Variants in MEIS2 observed in about 807,000 individuals in gnomAD.
MEIS2 encodes the protein homeobox protein Meis2.
In MEIS2, 9 loss-of-function variants were observed where a neutral mutation model predicts 58.6. The observed-to-expected ratio is 0.15, with a 90% confidence interval of 0.09 to 0.27. The LOEUF (loss-of-function observed/expected upper bound fraction) is 0.27. Among genes scored for constraint, MEIS2 ranks in the 10% least tolerant of loss-of-function variants. MEIS2 has a pLI of 1.00. For synonymous variants in MEIS2, 221 were observed against 228.4 expected, an observed-to-expected ratio of 0.97 and a Z score of 0.29; for missense variants, 427 against 635.0, an observed-to-expected ratio of 0.67 and a Z score of 3.52.
chr15:37,000,911 C>T (rs1043700923), intron 8 of MEIS2, among the ~76,000 whole-genome samples: 3 of 152,138 alleles, frequency 2.0e-5, no homozygotes, highest in Admixed American at 6.5e-5. Context: ...TTCCGGACCC[C>T]CCACTCTGTC....
chr15:37,043,415 AC>A (rs1188464569), intron 7 of MEIS2, among the ~76,000 whole-genome samples: 2 of 152,188 alleles, frequency 1.3e-5, no homozygotes, highest in African/African-American at 4.8e-5. Context: ...TATCTTCCAG[AC>A]AACCCATTTC....
In MEIS2 at chr15:36,938,043, C is replaced by A. The variant is rs368959393; in HGVS notation, c.977+12281G>T. The stretch of plus-strand genomic sequence containing the variant: ...TCTTTCCACAGTTGGAGATTTTAAA[C>A]GATGTTTGAAATTTGGTTCTATATA... On this transcript the variant is annotated intron_variant, in intron 9 of 11. Coordinates refer to ENST00000561208, the MANE Select transcript of MEIS2 (RefSeq NM_170675.5). Among the ~76,000 whole-genome samples, 12 of 151,930 alleles carry A rather than the reference C, an allele frequency of 7.9e-5. No individual in the cohort carries two copies. The East Asian group carries it at 1.7e-3, about 22-fold the overall frequency.
At chr15:37,082,091 T>C (rs533701260) in intron 7 of MEIS2, among the ~76,000 whole-genome samples, 22 of 152,310 alleles carry the variant, frequency 1.4e-4, no homozygotes, top group East Asian at 3.9e-4. Context: ...TAAATTTCAG[T>C]TGGGACCTTG....
At chr15:37,061,067 G>A (rs910414065) in intron 7 of MEIS2, among the ~76,000 whole-genome samples, 1 of 152,170 alleles carries the variant, frequency 6.6e-6, no homozygotes, top group Non-Finnish European at 1.5e-5. Flanking sequence ...GTACAGATTT[G>A]TATCTGATCC....
At chr15:36,893,264 T>A (rs927871373) in intron 11 of MEIS2, among the ~76,000 whole-genome samples, 2 of 152,218 alleles carry the variant, frequency 1.3e-5, no homozygotes, top group Non-Finnish European at 2.9e-5. Flanking sequence ...ATATTTACTG[T>A]TGCACATCCC....
chr15:36,957,305 A>AAG, intron 8 of MEIS2, among the ~76,000 whole-genome samples: 1 of 152,358 alleles, frequency 6.6e-6, no homozygotes, highest in Admixed American at 6.5e-5. Context: ...AAACACATTT[A>AAG]GACTCAATAA....
intron 9 of MEIS2, among the ~76,000 whole-genome samples, chr15:36,913,274 G>C (rs2141273557): frequency 6.6e-6 from 1 of 152,300 alleles, no homozygotes; most frequent in Non-Finnish European, 1.5e-5. Flanking sequence ...TGTGGTTGCA[G>C]ATTATATTTT....
intron 9 of MEIS2, among the ~76,000 whole-genome samples, chr15:36,902,997 A>G (rs950410929): frequency 6.6e-6 from 1 of 152,148 alleles, no homozygotes; most frequent in Non-Finnish European, 1.5e-5. Context: ...TTTTATACAT[A>G]AAAGAATTTT....
intron 7 of MEIS2, among the ~76,000 whole-genome samples, chr15:37,049,939 T>C (rs888347991): frequency 1.3e-5 from 2 of 152,200 alleles, no homozygotes; most frequent in Non-Finnish European, 2.9e-5. Flanking sequence ...ACTAATCTTG[T>C]CTTAGCACCT....
In MEIS2 at chr15:37,021,641, G is replaced by A. The variant is rs373726872; in HGVS notation, c.900+15173C>T. Among the ~76,000 whole-genome samples, 6 of 152,168 alleles carry A rather than the reference G, an allele frequency of 3.9e-5. No individual in the cohort carries two copies. In the East Asian group the frequency reaches 7.7e-4, roughly 20 times the overall value. On this transcript the variant is annotated intron_variant, in intron 8 of 11. Transcript: ENST00000561208. ...TCTGCACCTGGACTTGCAACCCCTT[G>A]GTGGGTTTCCAGTGTTCCCAGTGTG...
chr15:36,974,129 G>T (rs1400874952), intron 8 of MEIS2, among the ~76,000 whole-genome samples: 2 of 152,034 alleles, frequency 1.3e-5, no homozygotes, highest in Non-Finnish European at 2.9e-5. Flanking sequence ...TTCTTGTCTG[G>T]TTATCCTGTA....
intron 8 of MEIS2, among the ~76,000 whole-genome samples, chr15:36,987,347 G>T (rs1180831605): frequency 6.7e-6 from 1 of 149,268 alleles, no homozygotes; most frequent in Non-Finnish European, 1.5e-5. Context: ...TGCAGAGGTT[G>T]CAGTGAGCCA....
intron 8 of MEIS2, among the ~76,000 whole-genome samples, chr15:36,968,161 C>G (rs1308284483): frequency 6.6e-6 from 1 of 152,244 alleles, no homozygotes; most frequent in South Asian, 2.1e-4. Context: ...GTCGAAGCAG[C>G]GTAACAAATC....
chr15:37,039,247 A>G (rs2062306194), intron 7 of MEIS2, among the ~76,000 whole-genome samples: 1 of 152,220 alleles, frequency 6.6e-6, no homozygotes, highest in African/African-American at 2.4e-5. Context: ...ATCTGAATGT[A>G]CATTTCAGAT....
At chr15:37,078,097 G>A (rs780603521) in intron 7 of MEIS2, among the ~76,000 whole-genome samples, 8 of 152,152 alleles carry the variant, frequency 5.3e-5, no homozygotes, top group Middle Eastern at 6.8e-3. Context: ...CTTTAGTGCA[G>A]CTATTCTCAG....
intron 9 of MEIS2, among the ~76,000 whole-genome samples, chr15:36,908,226 A>T (rs932792326): frequency 6.6e-6 from 1 of 152,170 alleles, no homozygotes; most frequent in African/African-American, 2.4e-5. Flanking sequence ...TTCTCCAGAG[A>T]TGTTATACGC....
intron 4 of MEIS2, 35 bp from the exon 5 acceptor site, chr15:37,094,612 CTG>C (rs1318918007): frequency 2.8e-5 from 44 of 1,592,806 alleles, no homozygotes; most frequent in Non-Finnish European, 3.4e-5. Context: ...AGTTAGAGCT[CTG>C]TGACTCTGAG....
intron 2 of MEIS2, among the ~76,000 whole-genome samples, chr15:37,097,025 C>A (rs1459761853): frequency 3.9e-5 from 6 of 152,132 alleles, no homozygotes; most frequent in Non-Finnish European, 8.8e-5. Context: ...AGTGTGGGGG[C>A]CAAAATAATA....
At chr15:36,950,258 G>A in intron 9 of MEIS2, 66 bp downstream of exon 9, 6 of 1,312,008 alleles carry the variant, frequency 4.6e-6, no homozygotes, top group South Asian at 1.3e-5. Context: ...AAAAAAGAGA[G>A]AAAACCATTA....
Sources: gnomAD v4.1 joint callset for allele counts (sites outside exome capture counted in the v4.1 genomes callset) on GRCh38, gnomAD v4.1.1 for gene constraint, MANE v1.5 for transcripts, NCBI Gene and HGNC (gene_info 2026-07-23, HGNC 2026-07-21) for gene names.